The following SLC2A13 variants were observed in gnomAD, a reference collection of about 807,000 sequenced individuals.
SLC2A13 encodes solute carrier family 2 member 13, also known as proton myo-inositol cotransporter.
In SLC2A13, 32 loss-of-function variants were observed where a neutral mutation model predicts 64.4. That is an observed-to-expected ratio of 0.50 (90% CI 0.37 to 0.67). SLC2A13 has a LOEUF of 0.67. SLC2A13 is among the 30% of genes least tolerant of loss of function. The pLI is 0.00. For missense variants in SLC2A13, 743 were observed against 829.2 expected, an observed-to-expected ratio of 0.90 and a Z score of 1.28; for synonymous variants, 338 against 327.1, an observed-to-expected ratio of 1.03 and a Z score of -0.36.
chr12:39,939,091 G>A (rs1450147024), intron 4 of SLC2A13, among the ~76,000 whole-genome samples: 1 of 152,140 alleles, frequency 6.6e-6, no homozygotes, highest in East Asian at 1.9e-4. Context: ...AGAGTACTCA[G>A]CAGGACTGTG....
chr12:40,036,895 AT>A (rs1157928657), intron 2 of SLC2A13, among the ~76,000 whole-genome samples: 2 of 152,112 alleles, frequency 1.3e-5, no homozygotes, highest in Non-Finnish European at 2.9e-5. Flanking sequence ...GCTGGCTGCA[AT>A]TTTTTTGTGT....
chr12:39,886,135 C>G (rs780619013), intron 4 of SLC2A13, among the ~76,000 whole-genome samples: 10 of 152,088 alleles, frequency 6.6e-5, no homozygotes, highest in Middle Eastern at 3.2e-3. Flanking sequence ...TTTATTGTTC[C>G]TTTTCCAAAT....
At chr12:40,065,367 A>G (rs1235409687) in intron 1 of SLC2A13, among the ~76,000 whole-genome samples, 1 of 151,972 alleles carries the variant, frequency 6.6e-6, no homozygotes, top group Non-Finnish European at 1.5e-5. Context: ...GGATTGCCTG[A>G]GCTCAGGAGT....
chr12:39,965,123 C>T (rs1483942930), intron 3 of SLC2A13, among the ~76,000 whole-genome samples: 5 of 152,164 alleles, frequency 3.3e-5, no homozygotes, highest in Non-Finnish European at 5.9e-5. Context: ...AGCTAACTAA[C>T]ACAGTTCTAT....
intron 4 of SLC2A13, chr12:39,907,900 C>G (rs1186394890): frequency 2.0e-5 from 3 of 151,274 alleles, no homozygotes; most frequent in Non-Finnish European, 4.4e-5. Flanking sequence ...ATGCTCCCAA[C>G]CCACCCATTC....
intron 2 of SLC2A13, among the ~76,000 whole-genome samples, chr12:40,037,985 C>T (rs191758517): frequency 3.2e-4 from 49 of 152,244 alleles, no homozygotes; most frequent in African/African-American, 1.1e-3. Context: ...TTTCAAAGAA[C>T]CAACTGTTAA....
intron 4 of SLC2A13, among the ~76,000 whole-genome samples, chr12:39,906,143 GTTTT>G (rs1201042047): frequency 1.4e-5 from 2 of 143,664 alleles, no homozygotes; most frequent in African/African-American, 5.1e-5. Context: ...TTTGAACTTT[GTTTT>G]CAACTGAGTT....
chr12:39,838,606 A>G (rs987265590), intron 6 of SLC2A13, among the ~76,000 whole-genome samples: 1 of 152,036 alleles, frequency 6.6e-6, no homozygotes, highest in African/African-American at 2.4e-5. Context: ...AAACCTAAAA[A>G]TGCTTCCAAT....
chr12:39,851,190 G>A (rs557328241), intron 6 of SLC2A13, among the ~76,000 whole-genome samples: 68 of 152,232 alleles, frequency 4.5e-4, no homozygotes, highest in African/African-American at 1.5e-3. Context: ...ATGAGTCACC[G>A]TGTCCAGCCA....
intron 4 of SLC2A13, among the ~76,000 whole-genome samples, chr12:39,926,554 T>A (rs2136065108): frequency 6.6e-6 from 1 of 152,306 alleles, no homozygotes; most frequent in Admixed American, 6.5e-5. Flanking sequence ...TTCCAGGTCA[T>A]CATCTCAATA....
At chr12:40,012,250 T>C (rs1947543687) in intron 3 of SLC2A13, among the ~76,000 whole-genome samples, 1 of 152,234 alleles carries the variant, frequency 6.6e-6, no homozygotes, top group Non-Finnish European at 1.5e-5. Context: ...AAATCATTTG[T>C]GTTTTATTGG....
intron 2 of SLC2A13, among the ~76,000 whole-genome samples, chr12:40,036,963 C>T (rs560674499): frequency 6.6e-6 from 1 of 152,184 alleles, no homozygotes; most frequent in Non-Finnish European, 1.5e-5. Flanking sequence ...GAATGTTATT[C>T]TCTCAAATAT....
rs74086739 is a variant in SLC2A13, at chr12:39,843,209, G to A, written c.1320-12981C>T. On this transcript the variant is annotated intron_variant, in intron 6 of 9. Transcript: ENST00000280871. ...AACTTTCTGAAAAACTGACAGACTC[G>A]TTTGTGCACACTTTTTCGTACTTGA... Among the ~76,000 whole-genome samples the A allele has an allele frequency of 5.5e-3, 830 of 152,068 alleles. 7 individuals are homozygous for A. Among genetic ancestry groups the A allele is most frequent in the African/African-American group, 0.019 (801 of 41,496 alleles).
chr12:40,086,321 A>C (rs1167368916), intron 1 of SLC2A13, among the ~76,000 whole-genome samples: 1 of 152,102 alleles, frequency 6.6e-6, no homozygotes, highest in Admixed American at 6.5e-5. Flanking sequence ...TAACCGGTTA[A>C]TCTGAATACT....
chr12:40,037,476 G>A (rs923817526), intron 2 of SLC2A13, among the ~76,000 whole-genome samples: 13 of 151,518 alleles, frequency 8.6e-5, no homozygotes, highest in African/African-American at 2.2e-4. Flanking sequence ...AAAATTTGCC[G>A]GGTGTGGTTG....
intron 6 of SLC2A13, among the ~76,000 whole-genome samples, chr12:39,852,866 C>T (rs990012764): frequency 3.3e-5 from 5 of 152,118 alleles, no homozygotes; most frequent in African/African-American, 9.7e-5. Context: ...CCTTCCGAGA[C>T]GAATTAGACT....
intron 4 of SLC2A13, among the ~76,000 whole-genome samples, chr12:39,878,803 T>G (rs939726631): frequency 3.9e-5 from 6 of 152,178 alleles, no homozygotes; most frequent in African/African-American, 1.4e-4. Flanking sequence ...CTAGAGAAAT[T>G]TGCATAACTA....
intron 7 of SLC2A13, among the ~76,000 whole-genome samples, chr12:39,789,029 A>G (rs940330303): frequency 2.0e-5 from 3 of 152,140 alleles, no homozygotes; most frequent in African/African-American, 7.2e-5. Flanking sequence ...TCTGTTATAC[A>G]TACAAAGAAG....
Position 40,105,036 on chromosome 12 carries a change from C to A in SLC2A13, c.556+217G>T, listed in dbSNP as rs553110606. 6.6e-6 allele frequency among the ~76,000 whole-genome samples: 1 copy of A among 152,274 alleles called. No homozygotes were observed. Among genetic ancestry groups the A allele is most frequent in the East Asian group, 1.9e-4 (1 of 5,176 alleles). ...AGATTCCACGTGCGCTCGAGGGAGA[C>A]TAGAGTGACACCCCCTCCCCCCCGA... On this transcript the variant is annotated intron_variant, in intron 1 of 9. Transcript: ENST00000280871. This position sits in a 1 kb window ranked among gnomAD's most constrained non-coding sequence, Gnocchi z 4.2.
Sources: allele counts gnomAD v4.1 joint callset (sites outside exome capture counted in the v4.1 genomes callset), GRCh38; gene constraint gnomAD v4.1.1; non-coding constraint Gnocchi (gnomAD v3.1); transcripts MANE v1.5; gene names NCBI Gene and HGNC (gene_info 2026-07-23, HGNC 2026-07-21).